ADAM12: variants seen among roughly 807,000 people sequenced by gnomAD.
The protein encoded by ADAM12 is ADAM metallopeptidase domain 12.
Under a neutral mutation model 106.4 loss-of-function variants are expected in ADAM12, and 70 were observed. The ratio of observed to expected loss-of-function variants is 0.66; its 90% CI spans 0.54 to 0.80. ADAM12 has a LOEUF of 0.80. Among genes scored for constraint, ADAM12 ranks in the 30% least tolerant of loss-of-function variants. ADAM12 has a pLI of 0.00. For missense variants in ADAM12, 1,010 were observed against 1,171.9 expected (o/e 0.86, Z 2.02); for synonymous variants, 420 against 433.5 (o/e 0.97, Z 0.39).
At chr10:126,197,506 G>C (rs372315661) in intron 3 of ADAM12, among the ~76,000 whole-genome samples, 10 of 152,184 alleles carry the variant, frequency 6.6e-5, no homozygotes, top group Middle Eastern at 3.2e-3. Flanking sequence ...TCCCTCCTGG[G>C]GTTGCAGAGG....
intron 3 of ADAM12, among the ~76,000 whole-genome samples, chr10:126,236,652 A>G (rs917272509): frequency 1.3e-5 from 2 of 151,352 alleles, no homozygotes; most frequent in African/African-American, 2.4e-5. Context: ...AGGAACACCC[A>G]TAGGAAGGAG....
intron 4 of ADAM12, among the ~76,000 whole-genome samples, chr10:126,151,227 T>G (rs1162779229): frequency 6.6e-6 from 1 of 152,166 alleles, no homozygotes; most frequent in Non-Finnish European, 1.5e-5. Context: ...ATGGATAATT[T>G]TATTAAAAAT....
intron 3 of ADAM12, among the ~76,000 whole-genome samples, chr10:126,174,611 T>C (rs749604227): frequency 1.3e-5 from 2 of 152,186 alleles, no homozygotes; most frequent in African/African-American, 4.8e-5. Context: ...GGTGCCACCA[T>C]CTACCACAAG....
intron 1 of ADAM12, among the ~76,000 whole-genome samples, chr10:126,374,859 A>G (rs1324629545): frequency 6.6e-6 from 1 of 152,202 alleles, no homozygotes; most frequent in African/African-American, 2.4e-5. Flanking sequence ...GAAATACACA[A>G]ATTTAATATA....
At chr10:126,076,013 G>A (rs1565037183) in intron 11 of ADAM12, among the ~76,000 whole-genome samples, 1 of 152,126 alleles carries the variant, frequency 6.6e-6, no homozygotes, top group East Asian at 1.9e-4. Flanking sequence ...CTGGGGTCTG[G>A]GGTCCTGTCA....
chr10:126,280,030 A>G (rs182428277), intron 2 of ADAM12, among the ~76,000 whole-genome samples: 6 of 152,356 alleles, frequency 3.9e-5, no homozygotes, highest in Admixed American at 2.6e-4. Flanking sequence ...AGTCAGTCTT[A>G]TAACTCCAGA....
At chr10:126,081,939 A>G (rs1025297163) in intron 11 of ADAM12, among the ~76,000 whole-genome samples, 2 of 152,234 alleles carry the variant, frequency 1.3e-5, no homozygotes, top group Non-Finnish European at 2.9e-5. Context: ...AAAACCACAA[A>G]TACAAGTAAA....
intron 6 of ADAM12, among the ~76,000 whole-genome samples, chr10:126,116,787 G>A (rs112401885): frequency 1.6e-3 from 237 of 152,280 alleles, no homozygotes; most frequent in African/African-American, 5.0e-3. Flanking sequence ...AACTGGTTCC[G>A]ATAAGAGCAG....
At chr10:126,323,099 C>T (rs148953374) in intron 2 of ADAM12, among the ~76,000 whole-genome samples, 30 of 152,268 alleles carry the variant, frequency 2.0e-4, no homozygotes, top group African/African-American at 7.2e-4. Flanking sequence ...CTGTGCATGT[C>T]ATATGATGAT....
At chr10:126,316,936 G>GA (rs894285989) in intron 2 of ADAM12, among the ~76,000 whole-genome samples, 2 of 151,898 alleles carry the variant, frequency 1.3e-5, no homozygotes, top group East Asian at 1.9e-4. Flanking sequence ...TAGTGTTTGA[G>GA]AAAAAAAATC....
intron 3 of ADAM12, among the ~76,000 whole-genome samples, chr10:126,242,599 C>T (rs1474090810): frequency 6.6e-6 from 1 of 152,198 alleles, no homozygotes; most frequent in Non-Finnish European, 1.5e-5. Flanking sequence ...CACAGTGGGT[C>T]CTCCACAACG....
chr10:126,319,114 A>G (rs7097346), intron 2 of ADAM12, among the ~76,000 whole-genome samples: 101,091 of 152,058 alleles, frequency 0.66, 33,848 homozygotes, highest in East Asian at 0.83. Context: ...CAATAACCAT[A>G]AGACCACATT....
intron 1 of ADAM12, among the ~76,000 whole-genome samples, chr10:126,382,749 G>C (rs1437893654): frequency 1.3e-5 from 2 of 152,122 alleles, no homozygotes; most frequent in Non-Finnish European, 2.9e-5. Flanking sequence ...AAACAAATGG[G>C]GGGGAAAGAG....
chr10:126,379,504 A>C (rs142188360), intron 1 of ADAM12, among the ~76,000 whole-genome samples: 2 of 152,190 alleles, frequency 1.3e-5, no homozygotes, highest in East Asian at 3.9e-4. Context: ...GAACACATGG[A>C]CATAGGGAGG....
Position 126,339,641 on chromosome 10 carries a change from C to T in ADAM12, c.89-9132G>A, listed in dbSNP as rs193100411. 1.8e-3 allele frequency among the ~76,000 whole-genome samples: 273 copies of T among 152,192 alleles called. 2 individuals carry two copies. Among genetic ancestry groups the T allele is most frequent in the African/African-American group, 6.3e-3 (262 of 41,530 alleles). On this transcript the variant is annotated intron_variant, in intron 1 of 22. Coordinates refer to ENST00000448723, the MANE Select transcript of ADAM12 (RefSeq NM_001288973.2). ...TATGACAGGTTTCTCATCAAGAGAA[C>T]ATGAATGTGAAAACCCCAAGGCAGT...
At chr10:126,219,056 A>C (rs756894854) in intron 3 of ADAM12, among the ~76,000 whole-genome samples, 1 of 152,220 alleles carries the variant, frequency 6.6e-6, no homozygotes, top group Non-Finnish European at 1.5e-5. Flanking sequence ...GCAGTAACTA[A>C]CAGGGCCAGA....
chr10:126,346,846 C>T (rs1400497965), intron 1 of ADAM12, among the ~76,000 whole-genome samples: 3 of 152,040 alleles, frequency 2.0e-5, no homozygotes, highest in African/African-American at 7.2e-5. Flanking sequence ...GTTTGCAACC[C>T]CTGCCTTTCT....
At position 126,053,739 on chromosome 10, in the gene ADAM12, C is replaced by T. The variant is rs146050127; in HGVS notation, c.1610-4070G>A. ...ATTTTTTTTGAGAGAGAGTTTCGCTCTTGTTGCCCAGGCTCGAGTGCAATG... is the reference window on the plus strand; with the variant it reads ...ATTTTTTTTGAGAGAGAGTTTCGCTTTTGTTGCCCAGGCTCGAGTGCAATG... On this transcript the variant is annotated intron_variant, in intron 14 of 22. Coordinates refer to ENST00000448723, the MANE Select transcript of ADAM12 (RefSeq NM_001288973.2). The surrounding 1 kb of genome is among the most constrained non-coding windows in gnomAD (Gnocchi z 4.6). Among the ~76,000 whole-genome samples the T allele has an allele frequency of 6.6e-6, 1 of 151,892 alleles. No homozygotes were observed. Among genetic ancestry groups the T allele is most frequent in the African/African-American group, 2.4e-5 (1 of 41,348 alleles).
intron 2 of ADAM12, among the ~76,000 whole-genome samples, chr10:126,321,575 C>T (rs1037935870): frequency 2.6e-5 from 4 of 151,816 alleles, no homozygotes; most frequent in African/African-American, 9.7e-5. Flanking sequence ...GTGTGTTGGC[C>T]AAAAAGGAGG....
Sources: allele counts gnomAD v4.1 joint callset (sites outside exome capture counted in the v4.1 genomes callset), GRCh38; gene constraint gnomAD v4.1.1; non-coding constraint Gnocchi (gnomAD v3.1); transcripts MANE v1.5; gene names NCBI Gene and HGNC (gene_info 2026-07-23, HGNC 2026-07-21).